The following HS1BP3 variants were observed in gnomAD, a reference collection of about 807,000 sequenced individuals.
HS1BP3 encodes HCLS1 binding protein 3, also known as HCLS1-binding protein 3.
Under a neutral mutation model 33.5 loss-of-function variants are expected in HS1BP3, and 32 were observed. The observed-to-expected ratio is 0.95, with a 90% confidence interval of 0.72 to 1.28. The LOEUF is 1.28. Ranked by LOEUF, HS1BP3 falls within the 50% of genes most tolerant of loss-of-function variation. The pLI is 0.00. For synonymous variants in HS1BP3, 187 were observed against 209.2 expected (o/e 0.89, Z 0.92); for missense variants, 486 against 502.3 (o/e 0.97, Z 0.31).
chr2:20,596,092 C>T (rs938980472), intron 3 of HS1BP3, among the ~76,000 whole-genome samples: 6 of 152,134 alleles, frequency 3.9e-5, no homozygotes, highest in South Asian at 2.1e-4. Context: ...GCTTGAAAAC[C>T]GCTGACCCAC....
At chr2:20,635,433 C>T (rs138389329) in intron 4 of HS1BP3, 361 of 152,144 alleles carry the variant, frequency 2.4e-3, no homozygotes, top group Non-Finnish European at 3.9e-3. Context: ...CTCATTTTGG[C>T]AGTAAGATGT....
intron 5 of HS1BP3, among the ~76,000 whole-genome samples, chr2:20,577,190 A>ACACACTGAT (rs1238210798): frequency 6.6e-6 from 1 of 152,110 alleles, no homozygotes; most frequent in African/African-American, 2.4e-5. Context: ...TGGGGGCATG[A>ACACACTGAT]CACACTGATA....
intron 5 of HS1BP3, among the ~76,000 whole-genome samples, chr2:20,580,914 G>C (rs183638142): frequency 3.2e-4 from 49 of 152,320 alleles, no homozygotes; most frequent in South Asian, 2.7e-3. Context: ...CATGCCTGCT[G>C]AACTCACACC....
chr2:20,600,993 A>G (rs1265011888), intron 2 of HS1BP3, among the ~76,000 whole-genome samples: 1 of 152,228 alleles, frequency 6.6e-6, no homozygotes, highest in Non-Finnish European at 1.5e-5. Flanking sequence ...TTTTTAACTA[A>G]TATTTTATTA....
At chr2:20,587,662 C>G (rs1222611828), downstream of HS1BP3, among the ~76,000 whole-genome samples, 1 of 152,104 alleles carries the variant, frequency 6.6e-6, no homozygotes, top group Non-Finnish European at 1.5e-5. Flanking sequence ...AGGAGAAGGG[C>G]GTGAACCTGG....
At chr2:20,639,643 C>A (rs1353455541) in intron 3 of HS1BP3, among the ~76,000 whole-genome samples, 2 of 152,262 alleles carry the variant, frequency 1.3e-5, no homozygotes, top group African/African-American at 2.4e-5. Flanking sequence ...CATTCAAAAT[C>A]TCCCAAACCT....
At chr2:20,616,070 T>C (rs551043435), downstream of HS1BP3, among the ~76,000 whole-genome samples, 1 of 152,258 alleles carries the variant, frequency 6.6e-6, no homozygotes, top group Non-Finnish European at 1.5e-5. Flanking sequence ...AGACAGTACA[T>C]CCTGTCCATG....
At chr2:20,628,586 C>G (rs2033640) in intron 4 of HS1BP3, among the ~76,000 whole-genome samples, 49,854 of 150,672 alleles carry the variant, frequency 0.33, 8,621 homozygotes, top group East Asian at 0.6. Context: ...AGTGAGCTCA[C>G]ATCACACCAC....
At chr2:20,570,221 A>G (rs949109525) in intron 5 of HS1BP3, among the ~76,000 whole-genome samples, 1 of 152,160 alleles carries the variant, frequency 6.6e-6, no homozygotes, top group African/African-American at 2.4e-5. Flanking sequence ...ACACCAGAAT[A>G]TGGAGTCCCG....
chr2:20,644,465 C>T (rs982042338), intron 2 of HS1BP3, among the ~76,000 whole-genome samples: 1 of 152,210 alleles, frequency 6.6e-6, no homozygotes, highest in African/African-American at 2.4e-5. Context: ...GAGCTCGTCC[C>T]GAGCTCCAGC....
intron 3 of HS1BP3, 71 bp downstream of exon 3, chr2:20,640,902 C>T (rs1218785417): frequency 6.7e-7 from 1 of 1,487,394 alleles, no homozygotes; most frequent in Non-Finnish European, 9.4e-7. Context: ...CATGCTCCCA[C>T]TGGGGCACGG....
rs372285826 is a variant in HS1BP3, at chr2:20,618,816, C to T, written c.*171G>A. On this transcript the variant is annotated 3_prime_UTR_variant, in exon 7 of 7. Coordinates refer to ENST00000304031, the MANE Select transcript of HS1BP3 (RefSeq NM_022460.4). Reference sequence around the variant, plus strand: ...GCAGCCCGCAGGCTTCTACTTTGGCCCCACAGCCCCGGAGAAAATGGAACC... The same window carrying T: ...GCAGCCCGCAGGCTTCTACTTTGGCTCCACAGCCCCGGAGAAAATGGAACC... 5.1e-4 allele frequency: 726 copies of T among 1,417,886 alleles called. 8 individuals are homozygous for T. In the South Asian group the frequency reaches 0.011, roughly 21 times the overall value. 87.8% of individuals were successfully genotyped at this position (1,417,886 alleles called of 1,614,324 possible).
At chr2:20,636,138 G>C (rs900875546) in intron 4 of HS1BP3, 15 of 152,346 alleles carry the variant, frequency 9.8e-5, no homozygotes, top group African/African-American at 3.6e-4. Flanking sequence ...AAGCGCACGG[G>C]AGGGAGAGGG....
intron 1 of HS1BP3, among the ~76,000 whole-genome samples, chr2:20,649,641 T>C (rs1695625227): frequency 6.6e-6 from 1 of 152,178 alleles, no homozygotes; most frequent in Non-Finnish European, 1.5e-5. Flanking sequence ...TGAGTGCATG[T>C]GGCAATGACA....
rs141244692 is a variant in HS1BP3, at chr2:20,630,246, G to A, written c.624-5354C>T. Among the ~76,000 whole-genome samples, 414 of 152,270 alleles carry A rather than the reference G, an allele frequency of 2.7e-3. 4 individuals are homozygous for A. The highest frequency in any genetic ancestry group is 9.5e-3 in the African/African-American group (394 of 41,554). On this transcript the variant is annotated intron_variant, in intron 4 of 6. Transcript: ENST00000304031. Reference sequence around the variant, plus strand: ...TCATACTTTATTCTTAAATTCAGCTGTTTGGTGTCTTTTTGTTTTTTGGGT... The same window carrying A: ...TCATACTTTATTCTTAAATTCAGCTATTTGGTGTCTTTTTGTTTTTTGGGT...
At chr2:20,577,969 C>G (rs1459790096) in intron 5 of HS1BP3, among the ~76,000 whole-genome samples, 2 of 152,252 alleles carry the variant, frequency 1.3e-5, no homozygotes, top group African/African-American at 4.8e-5. Flanking sequence ...GACTTCAACC[C>G]CCTTCACAGC....
Position 20,623,880 on chromosome 2 carries a change from T to C in HS1BP3, c.920+16A>G. On this transcript the variant is annotated intron_variant, in intron 6 of 6. Coordinates refer to ENST00000304031, the MANE Select transcript of HS1BP3 (RefSeq NM_022460.4). ...ACTCTCAGAGCTGGCCAAGCGCCGC[T>C]GGGGACAGGTGGTACCTGAACAGTT... 6.2e-7 allele frequency: 1 copy of C among 1,607,976 alleles called. No individual in the cohort carries two copies. The highest frequency in any genetic ancestry group is 8.5e-7 in the Non-Finnish European group (1 of 1,178,384).
Position 20,645,356 on chromosome 2 carries a change from T to A in HS1BP3, c.182A>T (p.Asp61Val). The A allele has an allele frequency of 6.2e-7, 1 of 1,613,706 alleles. No individual in the cohort carries two copies. The highest frequency in any genetic ancestry group is 8.5e-7 in the Non-Finnish European group (1 of 1,179,878). ...CCGGCTCACCAAGAACTGGACGACA[T>A]CCTCGGGCCTGTGCTTGGCCGACTT... ...AFKSAKHRPE[D>V]VVQFLVSKKY... The change falls in exon 2 of 7, where the codon GAT becomes GTT. Residue 61 changes from aspartate to valine, a missense_variant. Coordinates refer to ENST00000304031, the MANE Select transcript of HS1BP3 (RefSeq NM_022460.4).
chr2:20,557,511 C>T (rs958642251), downstream of HS1BP3, among the ~76,000 whole-genome samples: 3 of 152,164 alleles, frequency 2.0e-5, no homozygotes, highest in African/African-American at 7.2e-5. Context: ...AAATCTCTGA[C>T]CCTGATGAAC....
Sources: allele counts gnomAD v4.1 joint callset (sites outside exome capture counted in the v4.1 genomes callset), GRCh38; gene constraint gnomAD v4.1.1; transcripts MANE v1.5; gene names NCBI Gene and HGNC (gene_info 2026-07-23, HGNC 2026-07-21).